The following NECTIN2 variants were observed in gnomAD, a reference collection of about 807,000 sequenced individuals.
NECTIN2 encodes nectin-2.
In NECTIN2, 23 loss-of-function variants were observed where a neutral mutation model predicts 56.9. The ratio of observed to expected loss-of-function variants is 0.40; its 90% confidence interval spans 0.29 to 0.57. The LOEUF (loss-of-function observed/expected upper bound fraction) is 0.57, where lower values mean the gene tolerates loss of function less well. NECTIN2 is among the 20% of genes least tolerant of loss of function. NECTIN2 has a pLI of 0.38. For synonymous variants in NECTIN2, 302 were observed against 313.8 expected (o/e 0.96, Z 0.40); for missense variants, 587 against 718.3 (o/e 0.82, Z 2.09).
intron 2 of NECTIN2, among the ~76,000 whole-genome samples, chr19:44,867,449 G>A (rs1229123142): frequency 6.6e-6 from 1 of 152,206 alleles, no homozygotes; most frequent in Non-Finnish European, 1.5e-5. Context: ...AGCTGTGATT[G>A]TGCTACTGCA....
intron 2 of NECTIN2, among the ~76,000 whole-genome samples, chr19:44,870,270 C>T (rs1370965441): frequency 6.6e-6 from 1 of 152,082 alleles, no homozygotes; most frequent in African/African-American, 2.4e-5. Context: ...AAGTGGTGGG[C>T]TCGGGCCCTG....
intron 1 of NECTIN2, among the ~76,000 whole-genome samples, chr19:44,864,022 C>CCCA (rs1555786364): frequency 6.7e-6 from 1 of 148,180 alleles, no homozygotes; most frequent in African/African-American, 2.5e-5. Flanking sequence ...TCCCCCCCCC[C>CCCA]AAAAAAAAAT....
At chr19:44,870,245 G>A (rs112581907) in intron 2 of NECTIN2, among the ~76,000 whole-genome samples, 1 of 152,192 alleles carries the variant, frequency 6.6e-6, no homozygotes. Flanking sequence ...GTGGCCAGGG[G>A]AGGTGGCCAT....
intron 5 of NECTIN2, among the ~76,000 whole-genome samples, chr19:44,881,171 G>A (rs1393956942): frequency 6.6e-6 from 1 of 151,892 alleles, no homozygotes; most frequent in Non-Finnish European, 1.5e-5. Context: ...CCCTCCCAAA[G>A]CGCTGGGATT....
chr19:44,878,473 G>A (rs555067976), intron 5 of NECTIN2: 4 of 1,612,168 alleles, frequency 2.5e-6, no homozygotes, highest in Non-Finnish European at 3.4e-6. Context: ...CTGGTCCCAT[G>A]GAACCAGATG....
Position 44,865,554 on chromosome 19 carries a change from G to T in NECTIN2, c.372G>T (p.Thr124=). The T allele has an allele frequency of 1.3e-6, 2 of 1,565,112 alleles. No homozygotes were observed. The highest frequency in any genetic ancestry group is 1.2e-5 in the South Asian group (1 of 86,238). ...QDTEAELQDA[T]LALHGLTVED... ...CAGAGGCAGAGCTCCAGGACGCCAC[G>T]CTGGCCCTCCACGGGCTCACGGTGG... Residue 124 remains threonine, a synonymous_variant, in exon 2 of 9, where the codon ACG becomes ACT. Transcript: ENST00000252483. This position sits in a 1 kb window ranked among gnomAD's most constrained non-coding sequence, Gnocchi z 5.2.
Position 44,871,985 on chromosome 19 carries a change from C to T in NECTIN2, c.611C>T (p.Ala204Val). ...TGGCTCTCATCCCTGGACTGGGAAG[C>T]CAAAGAGACTCAGGTGTCAGGGACC... ...ISWLSSLDWEAKETQVSGTLA... is the reference protein window; with the variant it reads ...ISWLSSLDWEVKETQVSGTLA... The change falls in exon 3 of 9, where the codon GCC becomes GTC. Residue 204 changes from alanine to valine, a missense_variant. Transcript: ENST00000252483. 6.2e-7 allele frequency: 1 copy of T among 1,614,160 alleles called. No individual in the cohort carries two copies. The highest frequency in any genetic ancestry group is 8.5e-7 in the Non-Finnish European group (1 of 1,180,036).
At chr19:44,866,895 G>A (rs1290711999) in intron 2 of NECTIN2, among the ~76,000 whole-genome samples, 5 of 152,112 alleles carry the variant, frequency 3.3e-5, no homozygotes, top group Non-Finnish European at 5.9e-5. Context: ...GGGTGGGGCC[G>A]GGTGCTGTGG....
At chr19:44,847,853 C>A (rs953641708) in intron 1 of NECTIN2, among the ~76,000 whole-genome samples, 2 of 152,150 alleles carry the variant, frequency 1.3e-5, no homozygotes, top group South Asian at 2.1e-4. Flanking sequence ...CCTTATCCCC[C>A]GTCCCTCCCA....
chr19:44,881,679 C>T (rs947947273), intron 5 of NECTIN2, among the ~76,000 whole-genome samples: 1 of 152,068 alleles, frequency 6.6e-6, no homozygotes, highest in Non-Finnish European at 1.5e-5. Flanking sequence ...AAAGCGAGAC[C>T]GTCTCAAAAA....
At chr19:44,884,605 G>A (rs572827392) in intron 6 of NECTIN2, among the ~76,000 whole-genome samples, 12 of 152,332 alleles carry the variant, frequency 7.9e-5, no homozygotes, top group African/African-American at 2.2e-4. Flanking sequence ...CACTGTGTCC[G>A]AGACGGCCTG....
At chr19:44,851,665 C>T (rs190647265) in intron 1 of NECTIN2, among the ~76,000 whole-genome samples, 2 of 152,214 alleles carry the variant, frequency 1.3e-5, no homozygotes, top group African/African-American at 2.4e-5. Flanking sequence ...TCTGGGGACC[C>T]AGCTCACACT....
chr19:44,864,383 G>A (rs1383838755), intron 1 of NECTIN2, among the ~76,000 whole-genome samples: 1 of 152,016 alleles, frequency 6.6e-6, no homozygotes, highest in Admixed American at 6.6e-5. Context: ...TTTAAAGGCA[G>A]GGTCTCACTC....
intron 1 of NECTIN2, among the ~76,000 whole-genome samples, chr19:44,847,340 A>G (rs1172045581): frequency 6.6e-6 from 1 of 152,056 alleles, no homozygotes; most frequent in Non-Finnish European, 1.5e-5. Context: ...GGATCTAGGT[A>G]AAACTGGGGG....
At chr19:44,852,566 T>C (rs1968912890) in intron 1 of NECTIN2, among the ~76,000 whole-genome samples, 1 of 149,102 alleles carries the variant, frequency 6.7e-6, no homozygotes, top group Admixed American at 6.7e-5. Flanking sequence ...GCTTGTTTCC[T>C]GAGGGCTCTG....
chr19:44,847,215 C>T (rs901416767), intron 1 of NECTIN2, among the ~76,000 whole-genome samples: 1 of 152,158 alleles, frequency 6.6e-6, no homozygotes, highest in African/African-American at 2.4e-5. Context: ...GAGCTCCAAC[C>T]CCGAACCTCA....
chr19:44,853,388 G>C (rs971050868), intron 1 of NECTIN2, among the ~76,000 whole-genome samples: 4 of 151,748 alleles, frequency 2.6e-5, no homozygotes, highest in African/African-American at 7.3e-5. Context: ...ATAGAGACGT[G>C]GTTTCACCGT....
At chr19:44,885,598 C>T (rs533042456) in intron 6 of NECTIN2, among the ~76,000 whole-genome samples, 2 of 152,324 alleles carry the variant, frequency 1.3e-5, no homozygotes, top group South Asian at 4.1e-4. Flanking sequence ...AGGCGTGAGC[C>T]ACTGCCCCCA....
chr19:44,865,280 A>T lies in NECTIN2; in HGVS notation c.98A>T (p.Asp33Val). The stretch of plus-strand genomic sequence containing the variant: ...TGTCCTCTCTGCCCAGGAGCCCAGG[A>T]TGTGCGAGTTCAAGTGCTACCCGAG... ...LLLLLETGAQ[D>V]VRVQVLPEVR... is the part of the protein sequence containing the mutation. Residue 33 changes from aspartate to valine, a missense_variant, in exon 2 of 9, where the codon GAT (aspartate) becomes GTT (valine). Asp to Val is a radical substitution (Grantham distance 152). Transcript: ENST00000252483. This position sits in a 1 kb window ranked among gnomAD's most constrained non-coding sequence, Gnocchi z 5.2. 6.2e-7 allele frequency: 1 copy of T among 1,610,606 alleles called. No individual in the cohort carries two copies. Among genetic ancestry groups the T allele is most frequent in the Non-Finnish European group, 8.5e-7 (1 of 1,177,912 alleles).
Sources: allele counts gnomAD v4.1 joint callset (sites outside exome capture counted in the v4.1 genomes callset), GRCh38; gene constraint gnomAD v4.1.1; non-coding constraint Gnocchi (gnomAD v3.1); transcripts MANE v1.5; gene names NCBI Gene and HGNC (gene_info 2026-07-23, HGNC 2026-07-21).